The following MARCHF1 variants were observed in gnomAD, a reference collection of about 807,000 sequenced individuals.
The protein encoded by MARCHF1 is membrane associated ring-CH-type finger 1.
Under a neutral mutation model 54.2 loss-of-function variants are expected in MARCHF1, and 40 were observed. The observed-to-expected ratio is 0.74, with a 90% confidence interval of 0.57 to 0.96. The LOEUF is 0.96. Among genes scored for constraint, MARCHF1 ranks in the 40% least tolerant of loss-of-function variants. The pLI, the probability that MARCHF1 is intolerant of heterozygous loss-of-function variation, is 0.00. For missense variants in MARCHF1, 586 were observed against 656.5 expected (o/e 0.89, Z 1.17); for synonymous variants, 236 against 236.3 (o/e 1.00, Z 0.01).
intron 1 of MARCHF1, among the ~76,000 whole-genome samples, chr4:164,316,784 T>A (rs1735011830): frequency 6.6e-6 from 1 of 152,116 alleles, no homozygotes; most frequent in Non-Finnish European, 1.5e-5. Flanking sequence ...GGGGGTGGAT[T>A]CCCCCTTGCT....
At chr4:164,100,222 C>T (rs1037594534) in intron 2 of MARCHF1, among the ~76,000 whole-genome samples, 16 of 43,270 alleles carry the variant, frequency 3.7e-4, no homozygotes, top group African/African-American at 9.8e-4. Context: ...GCAAGAGAAA[C>T]GTGTACATTT....
chr4:163,886,544 T>G (rs941316873), intron 3 of MARCHF1, among the ~76,000 whole-genome samples: 1 of 152,092 alleles, frequency 6.6e-6, no homozygotes, highest in African/African-American at 2.4e-5. Context: ...TAGGATTAGA[T>G]AAGTGCAATA....
intron 8 of MARCHF1, among the ~76,000 whole-genome samples, chr4:163,548,270 C>G (rs1738978696): frequency 6.6e-6 from 1 of 152,180 alleles, no homozygotes; most frequent in Non-Finnish European, 1.5e-5. Flanking sequence ...GGAAAAACAG[C>G]TTCACGTTTT....
chr4:164,008,642 G>T (rs891229889), intron 2 of MARCHF1, among the ~76,000 whole-genome samples: 16 of 151,976 alleles, frequency 1.1e-4, no homozygotes, highest in African/African-American at 3.9e-4. Flanking sequence ...TATCTTTTCT[G>T]ACCACAATGG....
chr4:164,183,959 C>T (rs1283679022), intron 1 of MARCHF1, among the ~76,000 whole-genome samples: 2 of 152,084 alleles, frequency 1.3e-5, no homozygotes, highest in African/African-American at 2.4e-5. Context: ...AGGAAAGAGG[C>T]AAGAAGAATG....
intron 9 of MARCHF1, among the ~76,000 whole-genome samples, chr4:163,545,296 C>A (rs1428429072): frequency 1.3e-5 from 2 of 152,210 alleles, no homozygotes; most frequent in Non-Finnish European, 2.9e-5. Context: ...TCAGGCAGAA[C>A]TTGATCCTTA....
intron 4 of MARCHF1, among the ~76,000 whole-genome samples, chr4:163,762,228 A>T (rs1350534175): frequency 9.2e-5 from 14 of 152,082 alleles, no homozygotes; most frequent in Admixed American, 8.5e-4. Context: ...TCATTATTTT[A>T]TTTCCCATTT....
intron 1 of MARCHF1, among the ~76,000 whole-genome samples, chr4:164,176,960 CTCTCTCTCTCTCTCTCTCTCT>C (rs1730684761): frequency 8.4e-5 from 4 of 47,866 alleles, no homozygotes; most frequent in East Asian, 9.1e-4. Flanking sequence ...CTCTCTCTCT[CTCTCTCTCTCTCTCTCTCTCT>C]ATATATATAT....
intron 2 of MARCHF1, among the ~76,000 whole-genome samples, chr4:164,028,300 A>G (rs1753811460): frequency 6.6e-6 from 1 of 152,234 alleles, no homozygotes; most frequent in African/African-American, 2.4e-5. Context: ...TATTCACAAT[A>G]GCAAAGACAT....
chr4:164,242,347 G>T (rs906969474), intron 1 of MARCHF1, among the ~76,000 whole-genome samples: 3 of 145,412 alleles, frequency 2.1e-5, no homozygotes, highest in African/African-American at 7.7e-5. Context: ...CTAACTGGGA[G>T]GCAACCCCCA....
At chr4:163,652,895 C>A (rs1440442275) in intron 5 of MARCHF1, among the ~76,000 whole-genome samples, 2 of 151,732 alleles carry the variant, frequency 1.3e-5, no homozygotes, top group Non-Finnish European at 1.5e-5. Flanking sequence ...CAATTATGTT[C>A]CTGGTGTTGT....
intron 3 of MARCHF1, among the ~76,000 whole-genome samples, chr4:163,974,930 G>C (rs1269785186): frequency 6.6e-6 from 1 of 152,162 alleles, no homozygotes; most frequent in Non-Finnish European, 1.5e-5. Flanking sequence ...ATTAATTGAA[G>C]TCCTGAATTT....
chr4:163,757,340 C>T (rs1238477783), intron 4 of MARCHF1, among the ~76,000 whole-genome samples: 2 of 152,138 alleles, frequency 1.3e-5, no homozygotes, highest in Non-Finnish European at 2.9e-5. Flanking sequence ...CACCCAAACA[C>T]TAAATTGTGT....
At chr4:163,934,192 C>T (rs1285961029) in intron 3 of MARCHF1, among the ~76,000 whole-genome samples, 1 of 151,742 alleles carries the variant, frequency 6.6e-6, no homozygotes, top group African/African-American at 2.4e-5. Flanking sequence ...GACTATAGTC[C>T]CAAAAAAGCC....
chr4:164,358,840 A>T (rs1370613702), intron 1 of MARCHF1, among the ~76,000 whole-genome samples: 1 of 152,188 alleles, frequency 6.6e-6, no homozygotes, highest in African/African-American at 2.4e-5. Flanking sequence ...CTGACTACTG[A>T]TAATATTGGA....
chr4:163,596,911 T>C (rs917616330), intron 7 of MARCHF1, among the ~76,000 whole-genome samples: 1 of 152,148 alleles, frequency 6.6e-6, no homozygotes, highest in African/African-American at 2.4e-5. Context: ...TCCCAGTGTG[T>C]AGGGAATCCA....
At chr4:163,703,616 G>C (rs1298016068) in intron 4 of MARCHF1, among the ~76,000 whole-genome samples, 3 of 152,038 alleles carry the variant, frequency 2.0e-5, no homozygotes, top group East Asian at 1.9e-4. Flanking sequence ...TGACCTTGTA[G>C]GTCAATAAAA....
chr4:164,137,371 T>C (rs1163177976), intron 1 of MARCHF1, among the ~76,000 whole-genome samples: 1 of 152,194 alleles, frequency 6.6e-6, no homozygotes, highest in Non-Finnish European at 1.5e-5. Flanking sequence ...TATGATAATA[T>C]ATTTCTATGA....
chr4:163,658,668 C>A (rs1743235306), intron 5 of MARCHF1, among the ~76,000 whole-genome samples: 1 of 151,920 alleles, frequency 6.6e-6, no homozygotes. Flanking sequence ...GAAGTCATTA[C>A]CCTCAGCAAA....
Sources: gnomAD v4.1 joint callset for allele counts (sites outside exome capture counted in the v4.1 genomes callset) on GRCh38, gnomAD v4.1.1 for gene constraint, MANE v1.5 for transcripts, NCBI Gene and HGNC (gene_info 2026-07-23, HGNC 2026-07-21) for gene names.